Variants in SCFD2 observed in about 807,000 individuals in gnomAD.
The protein encoded by SCFD2 is sec1 family domain-containing protein 2.
A neutral mutation model predicts 58.9 loss-of-function variants in SCFD2; 54 were observed. The observed-to-expected ratio is 0.92, with a 90% CI of 0.74 to 1.15. The LOEUF is 1.15. Ranked by LOEUF, SCFD2 falls within the 50% of genes most tolerant of loss-of-function variation. The pLI is 0.00. For missense variants in SCFD2, 805 were observed against 836.6 expected (o/e 0.96, Z 0.47); for synonymous variants, 321 against 335.9 (o/e 0.96, Z 0.49).
At position 52,962,058 on chromosome 4, in the gene SCFD2, T is replaced by A. The variant is rs137948777; in HGVS notation, c.1562-41188A>T. Among the ~76,000 whole-genome samples the A allele has an allele frequency of 7.3e-3, 1,108 of 152,334 alleles. 17 individuals are homozygous for A. Among genetic ancestry groups the A allele is most frequent in the Admixed American group, 0.034 (517 of 15,304 alleles). ...TGAATTGAGAGGATAGTGGTTCCAC[T>A]GATGGAAATTACTGGTGGAGTGGGG... On this transcript the variant is annotated intron_variant, in intron 5 of 8. Coordinates refer to ENST00000401642, the MANE Select transcript of SCFD2 (RefSeq NM_152540.4).
At chr4:53,083,261 A>G (rs769685343) in intron 5 of SCFD2, among the ~76,000 whole-genome samples, 1 of 152,182 alleles carries the variant, frequency 6.6e-6, no homozygotes. Flanking sequence ...ATTCTTGAGA[A>G]TACTTAATTA....
intron 4 of SCFD2, among the ~76,000 whole-genome samples, chr4:53,252,598 G>A (rs1400686179): frequency 2.0e-5 from 3 of 151,510 alleles, no homozygotes; most frequent in Non-Finnish European, 4.4e-5. Context: ...ACAACTGTCT[G>A]ATCTTTGACA....
At chr4:53,281,581 A>C (rs1355517462) in intron 3 of SCFD2, among the ~76,000 whole-genome samples, 1 of 152,200 alleles carries the variant, frequency 6.6e-6, no homozygotes, top group Admixed American at 6.5e-5. Context: ...CAAAAGACTC[A>C]AGAGGCTACC....
intron 4 of SCFD2, among the ~76,000 whole-genome samples, chr4:53,222,593 AT>A (rs1411263638): frequency 2.0e-5 from 3 of 150,332 alleles, no homozygotes; most frequent in Non-Finnish European, 4.4e-5. Flanking sequence ...CACCAATTAA[AT>A]TCATTGCAAT....
chr4:53,214,325 T>A (rs891229945), intron 4 of SCFD2, among the ~76,000 whole-genome samples: 3 of 149,506 alleles, frequency 2.0e-5, no homozygotes, highest in Non-Finnish European at 4.4e-5. Flanking sequence ...TATTGTTTCC[T>A]GACTTTTTGA....
At chr4:53,255,835 C>T (rs1435505232) in intron 4 of SCFD2, among the ~76,000 whole-genome samples, 12 of 142,890 alleles carry the variant, frequency 8.4e-5, no homozygotes, top group Non-Finnish European at 1.2e-4. Flanking sequence ...GCTGGCCGGG[C>T]GGGGGGCTGA....
At chr4:52,946,741 G>C (rs936430964) in intron 5 of SCFD2, among the ~76,000 whole-genome samples, 1 of 152,060 alleles carries the variant, frequency 6.6e-6, no homozygotes, top group East Asian at 1.9e-4. Flanking sequence ...TCATTTACCA[G>C]GATTGGAACC....
chr4:53,108,109 C>T (rs1370441620), intron 5 of SCFD2, among the ~76,000 whole-genome samples: 1 of 152,164 alleles, frequency 6.6e-6, no homozygotes, highest in East Asian at 1.9e-4. Context: ...GAACAACCTG[C>T]TCCTGAATGA....
At chr4:53,208,713 G>A (rs570318870) in intron 4 of SCFD2, among the ~76,000 whole-genome samples, 1 of 152,256 alleles carries the variant, frequency 6.6e-6, no homozygotes, top group African/African-American at 2.4e-5. Context: ...TACATTTTCA[G>A]AATTAGGCAA....
intron 4 of SCFD2, among the ~76,000 whole-genome samples, chr4:53,251,412 C>T (rs1730373904): frequency 6.6e-6 from 1 of 152,154 alleles, no homozygotes; most frequent in African/African-American, 2.4e-5. Context: ...ATACCAAAGC[C>T]TGGCAGAGAC....
At chr4:53,165,675 T>C (rs1445356899) in intron 4 of SCFD2, among the ~76,000 whole-genome samples, 1 of 152,252 alleles carries the variant, frequency 6.6e-6, no homozygotes, top group Non-Finnish European at 1.5e-5. Context: ...TAGGTTTTAC[T>C]TATTTACTTT....
intron 4 of SCFD2, among the ~76,000 whole-genome samples, chr4:53,250,178 C>T (rs545599866): frequency 2.0e-5 from 3 of 152,110 alleles, no homozygotes; most frequent in Non-Finnish European, 2.9e-5. Context: ...AGACTTTAAA[C>T]CAACAAAGAT....
chr4:53,188,123 A>G (rs1338053099), intron 4 of SCFD2, among the ~76,000 whole-genome samples: 1 of 152,166 alleles, frequency 6.6e-6, no homozygotes, highest in Non-Finnish European at 1.5e-5. Context: ...GGCAATAGAA[A>G]AAAAGACAAA....
intron 5 of SCFD2, among the ~76,000 whole-genome samples, chr4:53,119,245 G>A (rs557941143): frequency 6.6e-6 from 1 of 152,096 alleles, no homozygotes; most frequent in Non-Finnish European, 1.5e-5. Context: ...TTGAACCCGG[G>A]AGGCAGAGGT....
At chr4:52,890,492 T>C (rs963744020) in intron 7 of SCFD2, among the ~76,000 whole-genome samples, 7 of 152,228 alleles carry the variant, frequency 4.6e-5, no homozygotes, top group African/African-American at 1.7e-4. Flanking sequence ...TGGAGTCTTT[T>C]CAGCCTTTTC....
At chr4:52,895,960 C>A (rs979015781) in intron 7 of SCFD2, among the ~76,000 whole-genome samples, 3 of 152,152 alleles carry the variant, frequency 2.0e-5, no homozygotes, top group Non-Finnish European at 4.4e-5. Flanking sequence ...TAAATGTCTT[C>A]TTTTGAGAAG....
At chr4:53,044,635 C>T (rs73250926) in intron 5 of SCFD2, among the ~76,000 whole-genome samples, 5 of 147,712 alleles carry the variant, frequency 3.4e-5, no homozygotes, top group South Asian at 2.2e-4. Flanking sequence ...CTCCCTCCCT[C>T]CTTTTTTCCT....
rs1365586797 is a variant in SCFD2 at position 53,297,296 on chromosome 4, A to G, written c.1135+16340T>C. ...CTACATCTCTTTGTAGGTCTCTAAGAACTTGCTTTATGAATCTGGGTGCTC... is the reference window on the plus strand; with the variant it reads ...CTACATCTCTTTGTAGGTCTCTAAGGACTTGCTTTATGAATCTGGGTGCTC... On this transcript the variant is annotated intron_variant, in intron 3 of 8. Coordinates refer to ENST00000401642, the MANE Select transcript of SCFD2 (RefSeq NM_152540.4). Among the ~76,000 whole-genome samples, 24 of 152,086 alleles carry G rather than the reference A, an allele frequency of 1.6e-4. 1 individual carries two copies. The highest frequency in any genetic ancestry group is 7.9e-4 in the Admixed American group (12 of 15,262).
chr4:53,238,580 C>T (rs998619844), intron 4 of SCFD2, among the ~76,000 whole-genome samples: 5 of 151,420 alleles, frequency 3.3e-5, no homozygotes, highest in Non-Finnish European at 4.4e-5. Context: ...GGCTGCCGGG[C>T]GGAGGGGCTC....
Sources: allele counts gnomAD v4.1 joint callset (sites outside exome capture counted in the v4.1 genomes callset), GRCh38; gene constraint gnomAD v4.1.1; transcripts MANE v1.5; gene names NCBI Gene and HGNC (gene_info 2026-07-23, HGNC 2026-07-21).